The following ADAMTS12 variants were observed in gnomAD, a reference collection of about 807,000 sequenced individuals.
ADAMTS12 encodes A disintegrin and metalloproteinase with thrombospondin motifs 12.
Under a neutral mutation model 167.8 loss-of-function variants are expected in ADAMTS12, and 118 were observed. The ratio of observed to expected loss-of-function variants is 0.70; its 90% CI spans 0.61 to 0.82. The LOEUF is 0.82. Ranked by LOEUF, ADAMTS12 falls within the 40% of genes least tolerant of loss-of-function variation. The pLI, the probability that ADAMTS12 is intolerant of heterozygous loss-of-function variation, is 0.00. For synonymous variants in ADAMTS12, 704 were observed against 716.9 expected (o/e 0.98, Z 0.29); for missense variants, 1,916 against 1,998.8 (o/e 0.96, Z 0.79).
At chr5:33,807,552 A>G (rs977678479) in intron 2 of ADAMTS12, among the ~76,000 whole-genome samples, 3 of 152,226 alleles carry the variant, frequency 2.0e-5, no homozygotes, top group African/African-American at 7.2e-5. Context: ...CTGGCACACA[A>G]TAAGCATTAA....
chr5:33,677,052 G>A (rs530657025), intron 5 of ADAMTS12, among the ~76,000 whole-genome samples: 2 of 152,216 alleles, frequency 1.3e-5, no homozygotes, highest in African/African-American at 4.8e-5. Context: ...GGCTTCATCC[G>A]ACTCACTCTC....
At position 33,702,628 on chromosome 5, in the gene ADAMTS12, A is replaced by C. The variant is rs562208628; in HGVS notation, c.635-18573T>G. On this transcript the variant is annotated intron_variant, in intron 3 of 23. Transcript: ENST00000504830. ...ATGAGTGGCAAATGGCACTATATCT[A>C]TTTTATCACCTCAGTCACCACAAAC... Among the ~76,000 whole-genome samples, 3 of 152,256 alleles carry C rather than the reference A, an allele frequency of 2.0e-5. No individual in the cohort carries two copies. The East Asian group carries it at 5.8e-4, about 29-fold the overall frequency.
intron 2 of ADAMTS12, among the ~76,000 whole-genome samples, chr5:33,832,751 T>G (rs1442574908): frequency 6.6e-6 from 1 of 152,174 alleles, no homozygotes; most frequent in Non-Finnish European, 1.5e-5. Context: ...GGATTTCCCC[T>G]TCTTTAACTA....
At chr5:33,874,338 AT>A (rs1368571201) in intron 2 of ADAMTS12, among the ~76,000 whole-genome samples, 1 of 152,230 alleles carries the variant, frequency 6.6e-6, no homozygotes, top group East Asian at 1.9e-4. Flanking sequence ...TATCATATGC[AT>A]TTCCATGGTG....
chr5:33,785,001 G>C (rs74446908), intron 2 of ADAMTS12, among the ~76,000 whole-genome samples: 1 of 151,974 alleles, frequency 6.6e-6, no homozygotes, highest in Non-Finnish European at 1.5e-5. Flanking sequence ...AGAAAATAGT[G>C]AGCAGTTAAC....
chr5:33,643,291 G>A (rs1176308940), intron 10 of ADAMTS12, 87 bp downstream of exon 10: 1 of 1,342,504 alleles, frequency 7.4e-7, no homozygotes, highest in Non-Finnish European at 1.1e-6. Context: ...CCCTTAGAGA[G>A]AGTTGCCCTC....
intron 16 of ADAMTS12, among the ~76,000 whole-genome samples, chr5:33,612,767 G>A (rs1738790161): frequency 6.6e-6 from 1 of 152,152 alleles, no homozygotes; most frequent in Non-Finnish European, 1.5e-5. Flanking sequence ...AGTATGTTTG[G>A]AAATGCTAGA....
At chr5:33,634,138 A>C (rs1177448218) in intron 12 of ADAMTS12, among the ~76,000 whole-genome samples, 1 of 152,200 alleles carries the variant, frequency 6.6e-6, no homozygotes, top group Non-Finnish European at 1.5e-5. Context: ...CTTGCTAAAA[A>C]GAATGAAAAT....
At chr5:33,742,561 T>C (rs1280778038) in intron 3 of ADAMTS12, among the ~76,000 whole-genome samples, 4 of 152,192 alleles carry the variant, frequency 2.6e-5, no homozygotes, top group Non-Finnish European at 5.9e-5. Context: ...GACTGATATC[T>C]ACTCATACCT....
chr5:33,549,154 T>C, intron 21 of ADAMTS12, 53 bp downstream of exon 21: 5 of 1,581,966 alleles, frequency 3.2e-6, no homozygotes, highest in Non-Finnish European at 4.3e-6. Flanking sequence ...AACACAGAGA[T>C]TCATGGCTTG....
intron 20 of ADAMTS12, among the ~76,000 whole-genome samples, chr5:33,552,672 A>T (rs1745302545): frequency 6.6e-6 from 1 of 152,178 alleles, no homozygotes; most frequent in Non-Finnish European, 1.5e-5. Context: ...CGAAGATCAG[A>T]TAGTTGTAGG....
At chr5:33,582,280 T>C (rs906500329) in intron 18 of ADAMTS12, among the ~76,000 whole-genome samples, 10 of 152,208 alleles carry the variant, frequency 6.6e-5, no homozygotes, top group African/African-American at 2.4e-4. Flanking sequence ...CACAGGCTAC[T>C]GATGCCTGGG....
intron 2 of ADAMTS12, among the ~76,000 whole-genome samples, chr5:33,821,683 T>C (rs1178825171): frequency 1.3e-5 from 2 of 152,182 alleles, no homozygotes; most frequent in Non-Finnish European, 2.9e-5. Flanking sequence ...ACATTTTACT[T>C]ACAATTTTAA....
intron 3 of ADAMTS12, among the ~76,000 whole-genome samples, chr5:33,686,934 TATAGAGAG>T (rs1640252509): frequency 7.2e-6 from 1 of 138,442 alleles, no homozygotes; most frequent in Admixed American, 7.2e-5. Flanking sequence ...TATATATATA[TATAGAGAG>T]AGAGAGAGAG....
At chr5:33,744,350 T>C (rs1450898234) in intron 3 of ADAMTS12, among the ~76,000 whole-genome samples, 1 of 152,150 alleles carries the variant, frequency 6.6e-6, no homozygotes, top group Non-Finnish European at 1.5e-5. Context: ...GTAGCAGTGA[T>C]GAAAAGCAAA....
At position 33,786,461 on chromosome 5, in the gene ADAMTS12, C is replaced by CTTT. The variant is rs5867211; in HGVS notation, c.490-34916_490-34914dup. On this transcript the variant is annotated intron_variant, in intron 2 of 23. Transcript: ENST00000504830. ...CAGCATATTAAAATCATCTAAGAAG[C>CTTT]TTTTTTTTTTTTAACACACATAGAC... Among the ~76,000 whole-genome samples the CTTT allele has an allele frequency of 2.4e-3, 357 of 147,296 alleles. 1 individual carries two copies. The highest frequency in any genetic ancestry group is 8.5e-3 in the African/African-American group (342 of 40,444).
chr5:33,680,512 CT>C (rs5867204), intron 5 of ADAMTS12, among the ~76,000 whole-genome samples: 1 of 149,826 alleles, frequency 6.7e-6, no homozygotes, highest in Non-Finnish European at 1.5e-5. Context: ...CTTTCTTCTT[CT>C]TTTTTTTTGG....
chr5:33,795,632 A>G (rs1418144242), intron 2 of ADAMTS12, among the ~76,000 whole-genome samples: 1 of 152,138 alleles, frequency 6.6e-6, no homozygotes, highest in Non-Finnish European at 1.5e-5. Flanking sequence ...CAGACTCCTC[A>G]AGCTCTGGCT....
chr5:33,601,175 A>C (rs1282217238), intron 16 of ADAMTS12, among the ~76,000 whole-genome samples: 1 of 151,632 alleles, frequency 6.6e-6, no homozygotes, highest in Non-Finnish European at 1.5e-5. Context: ...CACCATCAAA[A>C]CTGGAACTGG....
Sources: gnomAD v4.1 joint callset for allele counts (sites outside exome capture counted in the v4.1 genomes callset) on GRCh38, gnomAD v4.1.1 for gene constraint, MANE v1.5 for transcripts, NCBI Gene and HGNC (gene_info 2026-07-23, HGNC 2026-07-21) for gene names.